CIB3: variants seen among roughly 807,000 people sequenced by gnomAD.
CIB3 encodes calcium and integrin binding family member 3.
A neutral mutation model predicts 23.4 loss-of-function variants in CIB3; 22 were observed. The ratio of observed to expected loss-of-function variants is 0.94; its 90% confidence interval spans 0.67 to 1.34. CIB3 has a LOEUF of 1.34. Ranked by LOEUF, CIB3 falls within the 40% of genes most tolerant of loss-of-function variation. The pLI is 0.00. For missense variants in CIB3, 258 were observed against 247.3 expected, an observed-to-expected ratio of 1.04 and a Z score of -0.29; for synonymous variants, 93 against 95.8, an observed-to-expected ratio of 0.97 and a Z score of 0.17.
At chr19:16,170,834 A>G (rs1478758935) in intron 2 of CIB3, among the ~76,000 whole-genome samples, 1 of 149,568 alleles carries the variant, frequency 6.7e-6, no homozygotes, top group Non-Finnish European at 1.5e-5. Context: ...AAAAAAAAAA[A>G]GAAAAGAAAA....
At chr19:16,163,292 C>T (rs531489479) in intron 5 of CIB3, among the ~76,000 whole-genome samples, 4 of 152,052 alleles carry the variant, frequency 2.6e-5, no homozygotes, top group African/African-American at 4.8e-5. Flanking sequence ...TGGTGGCTCA[C>T]GCTTGTACTC....
In CIB3 at chr19:16,168,264, C is replaced by A; in HGVS notation, c.219G>T (p.Arg73Ser). The change falls in exon 4 of 6, where the codon AGG becomes AGT. Residue 73 changes from arginine to serine, a missense_variant. By Grantham distance (110) the Arg-to-Ser change is moderately radical. Coordinates refer to ENST00000269878, the MANE Select transcript of CIB3 (RefSeq NM_054113.4). ...CATCCTCAGAGAATACCTGGGCAATCCTCTGGCGGAAGGGGTTGTCCTGGG... is the reference window on the plus strand; with the variant it reads ...CATCCTCAGAGAATACCTGGGCAATACTCTGGCGGAAGGGGTTGTCCTGGG... ...PELKDNPFRQ[R>S]IAQVFSEDGD... is the part of the protein sequence containing the mutation. 1 of 1,613,948 alleles carries A rather than the reference C, an allele frequency of 6.2e-7. No individual in the cohort carries two copies. The highest frequency in any genetic ancestry group is 8.5e-7 in the Non-Finnish European group (1 of 1,179,972).
intron 5 of CIB3, 126 bp from the exon 6 acceptor site, chr19:16,161,612 A>G (rs2145074569): frequency 1.1e-6 from 1 of 937,510 alleles, no homozygotes; most frequent in Middle Eastern, 2.1e-4. Context: ...GACCCCTCAA[A>G]CAACCCTAGG....
rs779104205 is a variant in CIB3, at chr19:16,168,289, G to A, written c.199-5C>T. ...CCTCTGGCGGAAGGGGTTGTCCTGG[G>A]GACAGAAAGGAAGCTGGGAGGCCAT... On this transcript the variant is annotated splice_region_variant and splice_polypyrimidine_tract_variant and intron_variant, in intron 3 of 5. Coordinates refer to ENST00000269878, the MANE Select transcript of CIB3 (RefSeq NM_054113.4). 2 of 1,613,362 alleles carry A rather than the reference G, an allele frequency of 1.2e-6. No individual in the cohort carries two copies. Among genetic ancestry groups the A allele is most frequent in the Admixed American group, 3.3e-5 (2 of 59,918 alleles).
chr19:16,161,673 CTTTTTTTTTT>C (rs55969649), intron 5 of CIB3, among the ~76,000 whole-genome samples, 187 bp from the exon 6 acceptor site: 7 of 100,048 alleles, frequency 7.0e-5, no homozygotes, highest in Admixed American at 1.4e-4. Flanking sequence ...TTTTTTAATT[CTTTTTTTTTT>C]TTTTTTTTTT....
At chr19:16,166,561 C>T (rs1024677780) in intron 4 of CIB3, among the ~76,000 whole-genome samples, 3 of 152,144 alleles carry the variant, frequency 2.0e-5, no homozygotes, top group Non-Finnish European at 4.4e-5. Flanking sequence ...ATAACTTTTT[C>T]ATTTATTCAT....
At chr19:16,170,867 G>A (rs960763398) in intron 2 of CIB3, among the ~76,000 whole-genome samples, 6 of 147,744 alleles carry the variant, frequency 4.1e-5, no homozygotes, top group African/African-American at 7.5e-5. Context: ...GGCCGGGCGC[G>A]GTGGCTCACG....
At chr19:16,173,070 AC>A in intron 2 of CIB3, 91 bp downstream of exon 2, 1 of 1,488,338 alleles carries the variant, frequency 6.7e-7, no homozygotes. Flanking sequence ...ACACACACAC[AC>A]ACACACACAC....
intron 5 of CIB3, among the ~76,000 whole-genome samples, chr19:16,164,049 C>T (rs1237262148): frequency 2.0e-5 from 3 of 152,170 alleles, no homozygotes; most frequent in South Asian, 2.1e-4. Context: ...GAGCTCACTG[C>T]GGCCTTGACC....
chr19:16,168,101 T>C, intron 4 of CIB3, 36 bp downstream of exon 4: 8 of 664,928 alleles, frequency 1.2e-5, no homozygotes, highest in East Asian at 8.9e-5. Flanking sequence ...CCCCACCCCA[T>C]CCCCATGCTT....
At chr19:16,167,650 G>A (rs1160216223) in intron 4 of CIB3, among the ~76,000 whole-genome samples, 1 of 152,034 alleles carries the variant, frequency 6.6e-6, no homozygotes, top group African/African-American at 2.4e-5. Flanking sequence ...TGGCCAACAT[G>A]GTGAAACCCC....
intron 4 of CIB3, among the ~76,000 whole-genome samples, chr19:16,166,987 G>A (rs555456784): frequency 6.6e-6 from 1 of 152,110 alleles, no homozygotes; most frequent in East Asian, 1.9e-4. Flanking sequence ...AGGCTGAGGC[G>A]GGTGGATCAC....
chr19:16,169,076 A>G (rs2091317337), intron 3 of CIB3, among the ~76,000 whole-genome samples: 4 of 152,164 alleles, frequency 2.6e-5, no homozygotes, highest in Admixed American at 2.0e-4. Flanking sequence ...CACACCCTGT[A>G]CTGAATTTGT....
At chr19:16,166,217 G>A (rs1436360861) in intron 4 of CIB3, among the ~76,000 whole-genome samples, 1 of 152,200 alleles carries the variant, frequency 6.6e-6, no homozygotes, top group Non-Finnish European at 1.5e-5. Context: ...CTTGAACCCA[G>A]GGAGTGGAAG....
intron 4 of CIB3, 138 bp from the exon 5 acceptor site, chr19:16,165,051 T>G (rs571972616): frequency 1.4e-6 from 1 of 710,768 alleles, no homozygotes; most frequent in East Asian, 2.6e-5. Flanking sequence ...CCCAACACTT[T>G]GGGAGGCTGA....
intron 4 of CIB3, among the ~76,000 whole-genome samples, chr19:16,167,854 C>A (rs2446367): frequency 0.76 from 116,232 of 152,102 alleles, 44,670 homozygotes; most frequent in East Asian, 0.95. Flanking sequence ...AAATAAAAAT[C>A]AATAAATAAA....
intron 4 of CIB3, 57 bp downstream of exon 4, chr19:16,168,080 C>A: frequency 6.5e-7 from 1 of 1,532,652 alleles, no homozygotes; most frequent in Non-Finnish European, 8.8e-7. Context: ...GCCACCCACC[C>A]AGTTCCCACT....
Position 16,171,842 on chromosome 19 carries a change from A to G in CIB3, c.86+1320T>C, listed in dbSNP as rs1252351226. 3.3e-5 allele frequency among the ~76,000 whole-genome samples: 5 copies of G among 152,342 alleles called. No individual in the cohort carries two copies. In the East Asian group the frequency reaches 9.6e-4, roughly 29 times the overall value. ...GGGCTCACTAGTAAAAGGTGTGGCC[A>G]TCAATAATGGATGTCCTGTTACTAC... is the stretch of plus-strand genomic sequence containing the variant. On this transcript the variant is annotated intron_variant, in intron 2 of 5. Coordinates refer to ENST00000269878, the MANE Select transcript of CIB3 (RefSeq NM_054113.4).
In CIB3 at chr19:16,169,730, C is replaced by T. The variant is rs1181779868; in HGVS notation, c.98G>A (p.Arg33His). The T allele has an allele frequency of 5.6e-6, 9 of 1,608,394 alleles. No homozygotes were observed. The highest frequency in any genetic ancestry group is 7.6e-6 in the Non-Finnish European group (9 of 1,177,392). The stretch of plus-strand genomic sequence containing the variant: ...GAGCTGTGGGGCCAGGTCCTGGTAG[C>T]GATAGAAGAGCCTGATGTGGGGAGG... ...TRKEIMRLFYRYQDLAPQLVP... is the reference protein window; with the variant it reads ...TRKEIMRLFYHYQDLAPQLVP... The change falls in exon 3 of 6, where the codon CGC becomes CAC. Residue 33 changes from arginine (R) to histidine (H), a missense_variant. Arg to His is a conservative substitution (Grantham distance 29, BLOSUM62 0). Transcript: ENST00000269878.
Sources: gnomAD v4.1 joint callset for allele counts (sites outside exome capture counted in the v4.1 genomes callset) on GRCh38, gnomAD v4.1.1 for gene constraint, MANE v1.5 for transcripts, NCBI Gene and HGNC (gene_info 2026-07-23, HGNC 2026-07-21) for gene names.